Variants in ERI1 observed in about 807,000 individuals in gnomAD.
ERI1 encodes exoribonuclease 1.
ERI1 carries 39 observed loss-of-function variants against 39.7 expected under a neutral mutation model. The ratio of observed to expected loss-of-function variants is 0.98; its 90% CI spans 0.76 to 1.28. ERI1 has a LOEUF of 1.28. ERI1 is among the 50% of genes most tolerant of loss of function. The pLI is 0.00. For synonymous variants in ERI1, 204 were observed against 149.6 expected, an observed-to-expected ratio of 1.36 and a Z score of -2.65; for missense variants, 581 against 416.9, an observed-to-expected ratio of 1.39 and a Z score of -3.43.
chr8:9,023,611 C>T (rs946820653), intron 6 of ERI1, among the ~76,000 whole-genome samples: 8 of 151,726 alleles, frequency 5.3e-5, no homozygotes, highest in South Asian at 2.1e-4. Flanking sequence ...TTCCCCTCTT[C>T]GTAATAGATA....
At chr8:9,016,743 TG>T (rs548963126) in intron 4 of ERI1, among the ~76,000 whole-genome samples, 1 of 152,326 alleles carries the variant, frequency 6.6e-6, no homozygotes, top group Admixed American at 6.5e-5. Flanking sequence ...TTGAGTACAG[TG>T]GCGTGACCTC....
intron 6 of ERI1, among the ~76,000 whole-genome samples, chr8:9,024,407 C>CTCTTTTCTTT (rs535713484): frequency 8.6e-4 from 130 of 151,164 alleles, no homozygotes; most frequent in African/African-American, 2.9e-3. Context: ...CTTCTTTTTT[C>CTCTTTTCTTT]TCTTTTCTTT....
At chr8:9,038,106 C>G (rs1797908853), downstream of ERI1, among the ~76,000 whole-genome samples, 1 of 152,138 alleles carries the variant, frequency 6.6e-6, no homozygotes, top group East Asian at 1.9e-4. Flanking sequence ...TAAAACAAAA[C>G]AGGCTTCATT....
intron 6 of ERI1, among the ~76,000 whole-genome samples, chr8:9,027,495 C>G (rs1333941266): frequency 6.6e-6 from 1 of 152,046 alleles, no homozygotes; most frequent in East Asian, 1.9e-4. Flanking sequence ...TTGATGAAGT[C>G]TACTTTATTT....
At chr8:9,075,302 C>G (rs1799174470) in intron 3 of ERI1, among the ~76,000 whole-genome samples, 1 of 152,018 alleles carries the variant, frequency 6.6e-6, no homozygotes, top group Non-Finnish European at 1.5e-5. Context: ...CTTAGTTTTC[C>G]TTGGATACAT....
At chr8:9,083,549 A>G (rs923998815) in intron 3 of ERI1, among the ~76,000 whole-genome samples, 11 of 152,022 alleles carry the variant, frequency 7.2e-5, no homozygotes, top group African/African-American at 1.9e-4. Flanking sequence ...GCAATCATCA[A>G]CTCATAATCA....
At chr8:9,033,630 T>G (rs778420845), downstream of ERI1, among the ~76,000 whole-genome samples, 7 of 152,236 alleles carry the variant, frequency 4.6e-5, no homozygotes, top group Non-Finnish European at 5.9e-5. Flanking sequence ...ACTCCATTGT[T>G]TAGTAAGAAT....
At chr8:9,077,809 TG>T (rs1413566344) in intron 3 of ERI1, among the ~76,000 whole-genome samples, 1 of 152,192 alleles carries the variant, frequency 6.6e-6, no homozygotes, top group Non-Finnish European at 1.5e-5. Flanking sequence ...TCTCTGCGTT[TG>T]CCCCTCCGCA....
intron 3 of ERI1, among the ~76,000 whole-genome samples, chr8:9,077,249 C>T (rs1799237799): frequency 6.6e-6 from 1 of 152,182 alleles, no homozygotes; most frequent in Non-Finnish European, 1.5e-5. Context: ...CACATTCCTT[C>T]CCTGCTTAAT....
chr8:9,073,146 A>T (rs1160604849), intron 3 of ERI1, among the ~76,000 whole-genome samples: 2 of 152,240 alleles, frequency 1.3e-5, no homozygotes, highest in Admixed American at 6.5e-5. Context: ...CTTCTCAGCC[A>T]TAAACTTTAT....
chr8:9,022,482 C>G (rs981887561), intron 6 of ERI1, among the ~76,000 whole-genome samples: 7 of 152,104 alleles, frequency 4.6e-5, no homozygotes, highest in African/African-American at 1.7e-4. Flanking sequence ...CTCACTGCAA[C>G]CCTGTCTCTT....
chr8:9,012,738 C>T (rs1042507837), intron 3 of ERI1, among the ~76,000 whole-genome samples: 4 of 152,152 alleles, frequency 2.6e-5, no homozygotes, highest in Non-Finnish European at 4.4e-5. Context: ...TATATTGCTC[C>T]CACTACACAA....
intron 6 of ERI1, among the ~76,000 whole-genome samples, chr8:9,025,702 T>TGTGTGTG (rs1554519270): frequency 1.1e-4 from 16 of 147,870 alleles, no homozygotes; most frequent in South Asian, 6.5e-4. Context: ...TCTTTTTTTT[T>TGTGTGTG]TGTGTGTGTG....
chr8:9,036,654 A>G (rs951797278), downstream of ERI1, among the ~76,000 whole-genome samples: 9 of 152,150 alleles, frequency 5.9e-5, no homozygotes, highest in Non-Finnish European at 1.3e-4. Flanking sequence ...GTATGCCTGT[A>G]TATAGTATGA....
At chr8:9,034,184 G>A (rs1222692253), downstream of ERI1, among the ~76,000 whole-genome samples, 3 of 152,226 alleles carry the variant, frequency 2.0e-5, no homozygotes, top group Admixed American at 2.0e-4. Context: ...GGTAAGGGGC[G>A]GATGCCCGAG....
chr8:9,032,942 T>G lies in ERI1; in HGVS notation c.*2908T>G, dbSNP rs1797694320. 6.6e-6 allele frequency: 1 copy of G among 152,212 alleles called. No homozygotes were observed. Among genetic ancestry groups the G allele is most frequent in the East Asian group, 1.9e-4 (1 of 5,204 alleles). 9.4% of individuals were successfully genotyped at this position (152,212 alleles called of 1,614,324 possible). A position where few individuals can be genotyped will look rare whatever the true frequency, so the allele number is the denominator to read the frequency against. On this transcript the variant is annotated 3_prime_UTR_variant, in exon 7 of 7. Coordinates refer to ENST00000250263, the MANE Select transcript of ERI1 (RefSeq NM_153332.4). Reference sequence around the variant, plus strand: ...CCATTTCTAAGCTACCATGGAGAAGTATATGCTCCTCGAGACCAGAGACTG... The same window carrying G: ...CCATTTCTAAGCTACCATGGAGAAGGATATGCTCCTCGAGACCAGAGACTG...
intron 1 of ERI1, among the ~76,000 whole-genome samples, chr8:9,005,013 G>A (rs79375922): frequency 0.043 from 6,569 of 152,166 alleles, 401 homozygotes; most frequent in African/African-American, 0.13. Context: ...TTCAATCTGG[G>A]CCAAAGTTTT....
chr8:9,022,152 G>A (rs1329113672), intron 6 of ERI1, among the ~76,000 whole-genome samples: 1 of 151,976 alleles, frequency 6.6e-6, no homozygotes, highest in African/African-American at 2.4e-5. Context: ...GTTTTTGCTA[G>A]CATCTGATAT....
At chr8:9,034,330 A>T (rs149796177), downstream of ERI1, among the ~76,000 whole-genome samples, 8 of 152,344 alleles carry the variant, frequency 5.3e-5, no homozygotes, top group Non-Finnish European at 8.8e-5. Context: ...ACTTCTCTTT[A>T]TGTGCTTCGC....
Sources: gnomAD v4.1 joint callset for allele counts (sites outside exome capture counted in the v4.1 genomes callset) on GRCh38, gnomAD v4.1.1 for gene constraint, MANE v1.5 for transcripts, NCBI Gene and HGNC (gene_info 2026-07-23, HGNC 2026-07-21) for gene names.